Variants in BRD4 observed in about 807,000 individuals in gnomAD.
BRD4 encodes the protein bromodomain-containing protein 4.
Under a neutral mutation model 142.1 loss-of-function variants are expected in BRD4, and 16 were observed. The observed-to-expected ratio is 0.11, with a 90% confidence interval of 0.08 to 0.17. The LOEUF (loss-of-function observed/expected upper bound fraction) is 0.17. BRD4 is among the 10% of genes least tolerant of loss of function. BRD4 has a pLI of 1.00. For missense variants in BRD4, 1,424 were observed against 1,810.9 expected, an observed-to-expected ratio of 0.79 and a Z score of 3.88; for synonymous variants, 833 against 707.5, an observed-to-expected ratio of 1.18 and a Z score of -2.82.
chr19:15,288,718 G>A (rs1047268823), intron 1 of BRD4, among the ~76,000 whole-genome samples: 4 of 152,224 alleles, frequency 2.6e-5, no homozygotes, highest in Admixed American at 2.0e-4. Flanking sequence ...GTCAACGCCC[G>A]AGGGTGGCCA....
intron 2 of BRD4, 112 bp from the exon 3 acceptor site, chr19:15,269,154 C>T: frequency 8.5e-7 from 1 of 1,180,200 alleles, no homozygotes. Flanking sequence ...ACAGGTAAAT[C>T]CACGGGAGCC....
intron 7 of BRD4, among the ~76,000 whole-genome samples, chr19:15,258,465 G>T (rs2047436036): frequency 6.6e-6 from 1 of 152,100 alleles, no homozygotes; most frequent in Non-Finnish European, 1.5e-5. Context: ...TGTATTTTTA[G>T]CAGAGGCAGC....
chr19:15,258,448 T>G (rs1047261150), intron 7 of BRD4, among the ~76,000 whole-genome samples: 1 of 152,130 alleles, frequency 6.6e-6, no homozygotes, highest in East Asian at 1.9e-4. Flanking sequence ...CATGCCCAAC[T>G]AATTTTTGTA....
At chr19:15,257,857 C>A (rs1220705643) in intron 7 of BRD4, among the ~76,000 whole-genome samples, 1 of 152,124 alleles carries the variant, frequency 6.6e-6, no homozygotes, top group Non-Finnish European at 1.5e-5. Flanking sequence ...AGGAGGGAGC[C>A]ACTGTGCGCA....
In BRD4 at chr19:15,239,081, G is replaced by A. The variant is rs1427595023; in HGVS notation, c.3760C>T (p.Arg1254Trp). ...CACCTCATGCGCTCCTGCCGCAGCC[G>A]CTCCTTCTCCTTCTCAGCGTGCTCG... ...QAEHAEKEKE[R>W]LRQERMRSRE... is the part of the protein sequence containing the mutation. Residue 1254 changes from arginine to tryptophan, a missense_variant, in exon 18 of 20, where the codon CGG (arginine) becomes TGG (tryptophan). Around this residue, in one of 16 missense-constraint regions of BRD4, gnomAD observed 109 missense variants for 117.9 expected, o/e 0.92. Transcript: ENST00000679869. The surrounding 1 kb of genome is among the most constrained non-coding windows in gnomAD (Gnocchi z 7.4). 1.9e-6 allele frequency: 3 copies of A among 1,600,942 alleles called. No homozygotes were observed. Among genetic ancestry groups the A allele is most frequent in the South Asian group, 1.1e-5 (1 of 90,468 alleles).
chr19:15,276,662 T>C (rs1034994507), intron 1 of BRD4, among the ~76,000 whole-genome samples: 7 of 152,180 alleles, frequency 4.6e-5, no homozygotes, highest in Non-Finnish European at 8.8e-5. Context: ...CATACCCACA[T>C]TGTCATCCTG....
At chr19:15,293,359 T>G (rs1470142276) in intron 1 of BRD4, among the ~76,000 whole-genome samples, 1 of 152,130 alleles carries the variant, frequency 6.6e-6, no homozygotes, top group South Asian at 2.1e-4. Flanking sequence ...GGCAGGCTTA[T>G]CTCAGTTCCC....
chr19:15,305,884 TAC>T (rs2047909728), intron 1 of BRD4, among the ~76,000 whole-genome samples: 1 of 152,274 alleles, frequency 6.6e-6, no homozygotes, highest in Non-Finnish European at 1.5e-5. Context: ...GATAACTTGC[TAC>T]AGTTTTTCCA....
chr19:15,294,828 G>A (rs1248437611), intron 1 of BRD4, among the ~76,000 whole-genome samples: 1 of 152,190 alleles, frequency 6.6e-6, no homozygotes, highest in African/African-American at 2.4e-5. Flanking sequence ...GGGGCATCTG[G>A]AGCCCTGTGC....
At chr19:15,331,532 A>C (rs2048158553) in intron 1 of BRD4, among the ~76,000 whole-genome samples, 1 of 152,190 alleles carries the variant, frequency 6.6e-6, no homozygotes, top group South Asian at 2.1e-4. Flanking sequence ...TGGGTGCGTC[A>C]AGCGGGCCAA....
At chr19:15,323,202 AAAG>A (rs1361215680) in intron 1 of BRD4, among the ~76,000 whole-genome samples, 1 of 150,940 alleles carries the variant, frequency 6.6e-6, no homozygotes, top group Non-Finnish European at 1.5e-5. Context: ...AAAAAAAAAA[AAAG>A]AACTGCTCTC....
chr19:15,264,059 G>C (rs530030128), intron 6 of BRD4: 18 of 271,172 alleles, frequency 6.6e-5, no homozygotes, highest in South Asian at 5.3e-4. Context: ...ACCACAAAGA[G>C]GCTGGCAAGG....
chr19:15,304,897 T>C (rs17640562), intron 1 of BRD4, among the ~76,000 whole-genome samples: 1 of 152,246 alleles, frequency 6.6e-6, no homozygotes, highest in South Asian at 2.1e-4. Context: ...AGGGCATGAA[T>C]TGGAAGGGCA....
intron 1 of BRD4, among the ~76,000 whole-genome samples, chr19:15,298,620 C>CAAAAAAAAAAAAAA (rs57719337): frequency 9.1e-5 from 6 of 66,002 alleles, no homozygotes; most frequent in African/African-American, 1.8e-4. Flanking sequence ...GACTCCAACT[C>CAAAAAAAAAAAAAA]AAAAAAAAAA....
intron 1 of BRD4, among the ~76,000 whole-genome samples, chr19:15,311,039 C>A (rs993993563): frequency 9.2e-5 from 14 of 151,852 alleles, no homozygotes; most frequent in Admixed American, 3.9e-4. Flanking sequence ...GCCTGTAATC[C>A]CAGCACTTTG....
chr19:15,297,669 G>C (rs2047834830), intron 1 of BRD4, among the ~76,000 whole-genome samples: 1 of 152,186 alleles, frequency 6.6e-6, no homozygotes, highest in African/African-American at 2.4e-5. Context: ...CCTTTGCTCA[G>C]GGATCAGGTT....
intron 11 of BRD4, among the ~76,000 whole-genome samples, chr19:15,246,797 T>G (rs1279543160): frequency 1.3e-5 from 2 of 151,988 alleles, no homozygotes; most frequent in African/African-American, 2.4e-5. Flanking sequence ...CCAGGGCCCC[T>G]TGCAAGTGCT....
intron 11 of BRD4, among the ~76,000 whole-genome samples, chr19:15,245,367 C>CA (rs1281726541): frequency 1.3e-5 from 2 of 151,994 alleles, no homozygotes; most frequent in African/African-American, 4.8e-5. Context: ...AGGGAAAACA[C>CA]AGAGAGCCCA....
Position 15,237,017 on chromosome 19 carries a change from T to TA in BRD4, c.*1359dup, listed in dbSNP as rs762817978. Reference sequence around the variant, plus strand: ...CACCAGGGGCTCCAATTATAAAAATTAAAAAAAAAAAAAAAAAAAAGCATG... The same window carrying TA: ...CACCAGGGGCTCCAATTATAAAAATTAAAAAAAAAAAAAAAAAAAAAGCATG... On this transcript the variant is annotated 3_prime_UTR_variant, in exon 20 of 20. Coordinates refer to ENST00000679869, the MANE Select transcript of BRD4 (RefSeq NM_001379291.1). 0.019 allele frequency: 2,235 copies of TA among 119,024 alleles called. 27 individuals are homozygous for TA. The highest frequency in any genetic ancestry group is 0.034 in the African/African-American group (788 of 23,304). 7.4% of individuals were successfully genotyped at this position (119,024 alleles called of 1,614,324 possible).
Sources: allele counts gnomAD v4.1 joint callset (sites outside exome capture counted in the v4.1 genomes callset), GRCh38; gene constraint gnomAD v4.1.1; regional missense constraint gnomAD v4.1.1; non-coding constraint Gnocchi (gnomAD v3.1); transcripts MANE v1.5; gene names NCBI Gene and HGNC (gene_info 2026-07-23, HGNC 2026-07-21).